BRINP1: variants seen among roughly 807,000 people sequenced by gnomAD.
BRINP1 encodes BMP/retinoic acid inducible neural specific 1.
BRINP1 carries 17 observed loss-of-function variants against 72.9 expected under a neutral mutation model. The observed-to-expected ratio is 0.23, with a 90% CI of 0.16 to 0.35. The LOEUF (loss-of-function observed/expected upper bound fraction) is 0.35, where lower values mean the gene tolerates loss of function less well. Among genes scored for constraint, BRINP1 ranks in the 10% least tolerant of loss-of-function variants. BRINP1 has a pLI of 1.00. For missense variants in BRINP1, 850 were observed against 1,001.6 expected, an observed-to-expected ratio of 0.85 and a Z score of 2.04; for synonymous variants, 418 against 378.5, an observed-to-expected ratio of 1.10 and a Z score of -1.21.
chr9:119,218,512 G>A lies in BRINP1; in HGVS notation c.686-4357C>T, dbSNP rs191271302. Reference sequence around the variant, plus strand: ...GAAGTGTTGACTTTGAACTTTAAACGCTTCCTTCTCCAAGATGAAAAGAAA... The same window carrying A: ...GAAGTGTTGACTTTGAACTTTAAACACTTCCTTCTCCAAGATGAAAAGAAA... On this transcript the variant is annotated intron_variant, in intron 5 of 7. Transcript: ENST00000265922. 7.9e-5 allele frequency among the ~76,000 whole-genome samples: 12 copies of A among 151,942 alleles called. No homozygotes were observed. In the South Asian group the frequency reaches 1.7e-3, roughly 21 times the overall value.
rs1248386428 is a variant in BRINP1 at position 119,249,026 on chromosome 9, G to C, written c.343C>G (p.Gln115Glu). The C allele has an allele frequency of 6.2e-7, 1 of 1,614,146 alleles. No individual in the cohort carries two copies. The highest frequency in any genetic ancestry group is 8.5e-7 in the Non-Finnish European group (1 of 1,180,026). The change falls in exon 3 of 8, where the codon CAG (glutamine) becomes GAG (glutamate). Residue 115 changes from glutamine to glutamate, a missense_variant. Gln to Glu is a conservative substitution (Grantham distance 29, BLOSUM62 2). Transcript: ENST00000265922. ...IRLLGRRPTT[Q>E]QFIDTIIKKY... ...TTGATGATGGTATCGATGAACTGCT[G>C]AGTGGTAGGTCTCCTGCCAAGCAGG...
At chr9:119,174,959 G>T (rs1829463489) in intron 7 of BRINP1, among the ~76,000 whole-genome samples, 1 of 144,984 alleles carries the variant, frequency 6.9e-6, no homozygotes, top group Non-Finnish European at 1.5e-5. Context: ...ACACTCTGGG[G>T]ACTGTTGTGG....
chr9:119,337,859 T>C (rs1418059240), intron 1 of BRINP1, among the ~76,000 whole-genome samples: 1 of 152,242 alleles, frequency 6.6e-6, no homozygotes, highest in Non-Finnish European at 1.5e-5. Context: ...GTGTCTTTTG[T>C]CCTTCAAAAG....
intron 2 of BRINP1, among the ~76,000 whole-genome samples, chr9:119,298,230 T>G (rs913979323): frequency 1.3e-5 from 2 of 152,218 alleles, no homozygotes; most frequent in Non-Finnish European, 2.9e-5. Context: ...CCGTCCCTCA[T>G]GCCTGTAAAC....
Position 119,318,844 on chromosome 9 carries a change from G to GGGGTGTGT in BRINP1, c.-50-5440_-50-5439insACACACCC, listed in dbSNP as rs111313745. On this transcript the variant is annotated intron_variant, in intron 1 of 7. Coordinates refer to ENST00000265922, the MANE Select transcript of BRINP1 (RefSeq NM_014618.3). ...TCATACATGGAAGAGAAATGTGTGG[G>GGGGTGTGT]GTGTGTGTGTGTGTGTGTGTGTGTG... Among the ~76,000 whole-genome samples, 485 of 142,230 alleles carry GGGGTGTGT rather than the reference G, an allele frequency of 3.4e-3. 7 individuals carry two copies. The highest frequency in any genetic ancestry group is 0.011 in the African/African-American group (408 of 38,484). 93.3% of individuals were successfully genotyped at this position (142,230 alleles called of 152,430 possible). A position where few individuals can be genotyped will look rare whatever the true frequency, so the allele number is the denominator to read the frequency against.
At chr9:119,272,009 T>C (rs1332720287) in intron 2 of BRINP1, among the ~76,000 whole-genome samples, 1 of 151,940 alleles carries the variant, frequency 6.6e-6, no homozygotes, top group Non-Finnish European at 1.5e-5. Context: ...TTAAAAATTT[T>C]TTGAAAATAT....
chr9:119,191,611 A>G (rs1434836859), intron 7 of BRINP1, among the ~76,000 whole-genome samples: 1 of 151,976 alleles, frequency 6.6e-6, no homozygotes, highest in Non-Finnish European at 1.5e-5. Context: ...AAGAAATTAA[A>G]GAAGACACAA....
chr9:119,302,469 T>C (rs1395626804), intron 2 of BRINP1, among the ~76,000 whole-genome samples: 3 of 152,148 alleles, frequency 2.0e-5, no homozygotes, highest in Admixed American at 2.0e-4. Flanking sequence ...ACTTATTAAA[T>C]AGTGTTATTG....
At position 119,167,883 on chromosome 9, in the gene BRINP1, T is replaced by G; in HGVS notation, c.1487A>C (p.Asp496Ala). The G allele has an allele frequency of 6.2e-7, 1 of 1,613,960 alleles. No homozygotes were observed. Among genetic ancestry groups the G allele is most frequent in the Non-Finnish European group, 8.5e-7 (1 of 1,179,982 alleles). The change falls in exon 8 of 8, where the codon GAC becomes GCC. Residue 496 changes from aspartate to alanine, a missense_variant. Asp to Ala is a moderately radical substitution (Grantham distance 126). Coordinates refer to ENST00000265922, the MANE Select transcript of BRINP1 (RefSeq NM_014618.3). The surrounding 1 kb of genome is among the most constrained non-coding windows in gnomAD (Gnocchi z 4.3). The stretch of plus-strand genomic sequence containing the variant: ...GGTGGTGTGGACGTAGAGGCGTGAG[T>G]CCATCTTCTGCAGCAGGTACTTCAG... ...LELKYLLQKMDSRLYVHTTFI... is the reference protein window; with the variant it reads ...LELKYLLQKMASRLYVHTTFI...
At chr9:119,245,112 C>T (rs535628860) in intron 3 of BRINP1, among the ~76,000 whole-genome samples, 1 of 152,080 alleles carries the variant, frequency 6.6e-6, no homozygotes, top group South Asian at 2.1e-4. Context: ...AGTGAATATA[C>T]AAATAAACAA....
At chr9:119,178,816 T>C (rs1049818464) in intron 7 of BRINP1, among the ~76,000 whole-genome samples, 3 of 152,214 alleles carry the variant, frequency 2.0e-5, no homozygotes, top group African/African-American at 7.2e-5. Context: ...GTGCACTCTC[T>C]TCTAGGTATC....
At chr9:119,320,458 T>G (rs1564247463) in intron 1 of BRINP1, among the ~76,000 whole-genome samples, 2 of 152,256 alleles carry the variant, frequency 1.3e-5, no homozygotes, top group Admixed American at 6.5e-5. Context: ...GCCAGGGCCC[T>G]CAAAGAGCTT....
chr9:119,340,413 GAA>G (rs796687960), intron 1 of BRINP1, among the ~76,000 whole-genome samples: 1 of 146,970 alleles, frequency 6.8e-6, no homozygotes. Context: ...ACCTCTGAGG[GAA>G]AAAAAAAAGG....
intron 2 of BRINP1, among the ~76,000 whole-genome samples, chr9:119,281,802 G>T (rs554662321): frequency 6.6e-6 from 1 of 152,190 alleles, no homozygotes; most frequent in African/African-American, 2.4e-5. Flanking sequence ...ATATATCATG[G>T]TTTTTTTCCA....
chr9:119,259,510 A>C (rs1830478083), intron 2 of BRINP1, among the ~76,000 whole-genome samples: 1 of 152,222 alleles, frequency 6.6e-6, no homozygotes, highest in Non-Finnish European at 1.5e-5. Flanking sequence ...TATAAATAAA[A>C]TATTGAAAAT....
chr9:119,242,285 T>C, intron 3 of BRINP1, 69 bp from the exon 4 acceptor site: 1 of 1,316,300 alleles, frequency 7.6e-7, no homozygotes, highest in Non-Finnish European at 1.1e-6. Context: ...GGATGGGACC[T>C]GGATGCTGAA....
At chr9:119,343,337 G>A (rs112800263) in intron 1 of BRINP1, among the ~76,000 whole-genome samples, 107 of 152,240 alleles carry the variant, frequency 7.0e-4, no homozygotes, top group African/African-American at 1.4e-3. Context: ...AAGAGAAAGC[G>A]GGTTATATGG....
intron 5 of BRINP1, among the ~76,000 whole-genome samples, chr9:119,216,754 C>G (rs183853701): frequency 6.6e-6 from 1 of 152,142 alleles, no homozygotes; most frequent in Non-Finnish European, 1.5e-5. Context: ...ATAAAATATT[C>G]TATTCTTGGT....
intron 5 of BRINP1, among the ~76,000 whole-genome samples, chr9:119,228,728 G>C (rs1830118853): frequency 1.3e-5 from 2 of 152,030 alleles, no homozygotes; most frequent in Admixed American, 1.3e-4. Context: ...AAGATAATCT[G>C]CGTGATTGCG....
Sources: allele counts gnomAD v4.1 joint callset (sites outside exome capture counted in the v4.1 genomes callset), GRCh38; gene constraint gnomAD v4.1.1; non-coding constraint Gnocchi (gnomAD v3.1); transcripts MANE v1.5; gene names NCBI Gene and HGNC (gene_info 2026-07-23, HGNC 2026-07-21).